The following NR3C1 variants were observed in gnomAD, a reference collection of about 807,000 sequenced individuals.
NR3C1 encodes the protein glucocorticoid receptor.
Under a neutral mutation model 74.0 loss-of-function variants are expected in NR3C1, and 14 were observed. The observed-to-expected ratio is 0.19, with a 90% CI of 0.12 to 0.30. The LOEUF is 0.30. Ranked by LOEUF, NR3C1 falls within the 10% of genes least tolerant of loss-of-function variation. The pLI is 1.00. For synonymous variants in NR3C1, 308 were observed against 332.5 expected, an observed-to-expected ratio of 0.93 and a Z score of 0.80; for missense variants, 695 against 909.8, an observed-to-expected ratio of 0.76 and a Z score of 3.04.
chr5:143,326,602 T>G (rs752725822), intron 2 of NR3C1, among the ~76,000 whole-genome samples: 5 of 152,178 alleles, frequency 3.3e-5, no homozygotes, highest in Non-Finnish European at 5.9e-5. Context: ...TTAGAGGAAC[T>G]CTGAAGTACA....
chr5:143,374,853 TG>T (rs2151866189), intron 2 of NR3C1, among the ~76,000 whole-genome samples: 1 of 152,314 alleles, frequency 6.6e-6, no homozygotes, highest in African/African-American at 2.4e-5. Flanking sequence ...AGAAGTAATT[TG>T]TATGCACACA....
At chr5:143,309,067 A>G (rs1820272457) in intron 4 of NR3C1, among the ~76,000 whole-genome samples, 1 of 141,998 alleles carries the variant, frequency 7.0e-6, no homozygotes. Context: ...AACTAGTTTC[A>G]GGTTTCTTTT....
intron 2 of NR3C1, among the ~76,000 whole-genome samples, chr5:143,366,923 G>C (rs913634527): frequency 2.6e-5 from 4 of 152,018 alleles, no homozygotes; most frequent in Non-Finnish European, 4.4e-5. Context: ...CAAAACAGAG[G>C]GAACACTTAG....
chr5:143,292,815 T>A (rs1816235331), intron 7 of NR3C1, among the ~76,000 whole-genome samples: 1 of 152,194 alleles, frequency 6.6e-6, no homozygotes, highest in Non-Finnish European at 1.5e-5. Flanking sequence ...CTTTTCCCAG[T>A]AAGCTGATCT....
chr5:143,378,122 A>G (rs1265595283), intron 2 of NR3C1, among the ~76,000 whole-genome samples: 1 of 152,064 alleles, frequency 6.6e-6, no homozygotes, highest in East Asian at 1.9e-4. Flanking sequence ...ATGGTGGTGC[A>G]CACCTATAGT....
At position 143,295,280 on chromosome 5, in the gene NR3C1, T is replaced by C. The variant is rs1223423668; in HGVS notation, c.2023+180A>G. 3.0e-6 allele frequency: 3 copies of C among 985,254 alleles called. No homozygotes were observed. The African/African-American group carries it at 5.2e-5, about 17-fold the overall frequency. The allele number at this position is 985,254 out of a possible 1,614,324, so 61.0% of individuals were successfully genotyped here. On this transcript the variant is annotated intron_variant, in intron 7 of 8. Coordinates refer to ENST00000394464, the MANE Select transcript of NR3C1 (RefSeq NM_000176.3). ...GTTTCTGCCATACCTATTTGTCTTA[T>C]TAATCTTGGTGTCACTTACTGTGCC...
At chr5:143,399,482 G>C (rs1208333996) in intron 2 of NR3C1, among the ~76,000 whole-genome samples, 174 bp downstream of exon 2, 1 of 152,154 alleles carries the variant, frequency 6.6e-6, no homozygotes, top group Non-Finnish European at 1.5e-5. Context: ...AAATGGTTAC[G>C]TACAGATGTC....
intron 1 of NR3C1, among the ~76,000 whole-genome samples, chr5:143,434,236 T>C (rs928566360): frequency 2.6e-5 from 4 of 152,218 alleles, no homozygotes; most frequent in Non-Finnish European, 5.9e-5. Flanking sequence ...TCCTTTCTAG[T>C]TGGAAGCTCC....
At chr5:143,301,166 A>G (rs1168642557) in intron 4 of NR3C1, among the ~76,000 whole-genome samples, 2 of 152,196 alleles carry the variant, frequency 1.3e-5, no homozygotes, top group Non-Finnish European at 2.9e-5. Context: ...AAACTGAAAA[A>G]AAAATCTAAG....
At chr5:143,435,251 T>C (rs1752052621) in exon 1 of NR3C1, 30 of 985,384 alleles carry the variant, frequency 3.0e-5, no homozygotes, top group Non-Finnish European at 3.6e-5. Context: ...AGTGCTTCCG[T>C]TGGACACATG....
chr5:143,357,536 G>A (rs1158034041), intron 2 of NR3C1, among the ~76,000 whole-genome samples: 1 of 152,150 alleles, frequency 6.6e-6, no homozygotes, highest in East Asian at 1.9e-4. Context: ...TTGGCAAAAG[G>A]CAATTTAAAC....
At chr5:143,430,592 T>C (rs772132237) in intron 1 of NR3C1, among the ~76,000 whole-genome samples, 71 of 152,300 alleles carry the variant, frequency 4.7e-4, no homozygotes, top group Non-Finnish European at 8.4e-4. Context: ...ATGGGATTAG[T>C]GCCCTTATGA....
intron 2 of NR3C1, among the ~76,000 whole-genome samples, chr5:143,366,677 TATGA>T (rs1833266029): frequency 6.6e-6 from 1 of 152,144 alleles, no homozygotes; most frequent in African/African-American, 2.4e-5. Flanking sequence ...AAAGGAATAC[TATGA>T]ATAATTATAC....
chr5:143,333,444 A>C (rs796702040), intron 2 of NR3C1, among the ~76,000 whole-genome samples: 9 of 152,226 alleles, frequency 5.9e-5, no homozygotes, highest in African/African-American at 2.2e-4. Flanking sequence ...ATAGCCTAAG[A>C]GTTATAGGCT....
chr5:143,338,788 G>A (rs1444962872), intron 2 of NR3C1, among the ~76,000 whole-genome samples: 1 of 152,180 alleles, frequency 6.6e-6, no homozygotes, highest in African/African-American at 2.4e-5. Context: ...TAAGTCTACA[G>A]AGTTTACACT....
At chr5:143,305,341 C>T (rs571019145) in intron 4 of NR3C1, among the ~76,000 whole-genome samples, 3 of 152,232 alleles carry the variant, frequency 2.0e-5, no homozygotes, top group African/African-American at 7.2e-5. Context: ...TTTGGAGATT[C>T]TTCAAAGAAT....
At chr5:143,381,949 T>A (rs902233174) in intron 2 of NR3C1, among the ~76,000 whole-genome samples, 3 of 152,204 alleles carry the variant, frequency 2.0e-5, no homozygotes, top group Middle Eastern at 3.4e-3. Context: ...GCTAAAAAAC[T>A]TCTGCACAGC....
In NR3C1 at chr5:143,300,779, C is replaced by CA; in HGVS notation, c.1469-17dup. 2 of 1,610,890 alleles carry CA rather than the reference C, an allele frequency of 1.2e-6. No homozygotes were observed. The highest frequency in any genetic ancestry group is 1.7e-6 in the Non-Finnish European group (2 of 1,178,100). On this transcript the variant is annotated splice_polypyrimidine_tract_variant and intron_variant, in intron 4 of 8. Coordinates refer to ENST00000394464, the MANE Select transcript of NR3C1 (RefSeq NM_000176.3). The surrounding 1 kb of genome is among the most constrained non-coding windows in gnomAD (Gnocchi z 5.2). ...GTTTTTCGAGCTGTGGGTATTTAAACAAATACATAGAAATGAACTGTAATG... is the reference window on the plus strand; with the variant it reads ...GTTTTTCGAGCTGTGGGTATTTAAACAAAATACATAGAAATGAACTGTAATG...
chr5:143,294,320 G>A (rs1221053663), intron 7 of NR3C1: 9 of 924,882 alleles, frequency 9.7e-6, no homozygotes, highest in Admixed American at 6.2e-5. Flanking sequence ...TATTAACTCA[G>A]TATTTAATAA....
Sources: allele counts gnomAD v4.1 joint callset (sites outside exome capture counted in the v4.1 genomes callset), GRCh38; gene constraint gnomAD v4.1.1; non-coding constraint Gnocchi (gnomAD v3.1); transcripts MANE v1.5; gene names NCBI Gene and HGNC (gene_info 2026-07-23, HGNC 2026-07-21).